Variants in AIG1 observed in about 807,000 individuals in gnomAD.
AIG1 encodes androgen induced 1.
AIG1 carries 23 observed loss-of-function variants against 31.4 expected under a neutral mutation model. That is an observed-to-expected ratio of 0.73 (90% confidence interval 0.53 to 1.04). The LOEUF (loss-of-function observed/expected upper bound fraction) is 1.04. Among genes scored for constraint, AIG1 ranks in the 50% least tolerant of loss-of-function variants. The pLI is 0.00. For missense variants in AIG1, 274 were observed against 295.0 expected (o/e 0.93, Z 0.52); for synonymous variants, 100 against 110.5 (o/e 0.90, Z 0.60).
At chr6:143,065,619 G>A (rs1241477420) in intron 1 of AIG1, among the ~76,000 whole-genome samples, 1 of 152,142 alleles carries the variant, frequency 6.6e-6, no homozygotes, top group Admixed American at 6.5e-5. Context: ...GTAGTATTTG[G>A]GGTATAATAG....
intron 1 of AIG1, among the ~76,000 whole-genome samples, chr6:143,104,971 T>G (rs1313576739): frequency 6.6e-6 from 1 of 152,008 alleles, no homozygotes; most frequent in African/African-American, 2.4e-5. Context: ...CGAATTGAAC[T>G]CCAAAGGTGA....
chr6:143,076,102 C>T (rs1360907769), intron 1 of AIG1, among the ~76,000 whole-genome samples: 1 of 152,126 alleles, frequency 6.6e-6, no homozygotes, highest in African/African-American at 2.4e-5. Context: ...TGGTGTTATT[C>T]AGGTCTTGTA....
intron 3 of AIG1, among the ~76,000 whole-genome samples, chr6:143,174,419 G>A (rs1287728190): frequency 4.7e-5 from 7 of 150,168 alleles, no homozygotes; most frequent in Non-Finnish European, 8.9e-5. Flanking sequence ...CCCAGGAGGT[G>A]GAAGTTGCAG....
At position 143,113,691 on chromosome 6, in the gene AIG1, C is replaced by T. The variant is rs114590469; in HGVS notation, c.142-23144C>T. ...CCTTACGCTATGAAACTTACTGGAACGACTTTTAGGTTTGGTGAGTTTTCT... is the reference window on the plus strand; with the variant it reads ...CCTTACGCTATGAAACTTACTGGAATGACTTTTAGGTTTGGTGAGTTTTCT... On this transcript the variant is annotated intron_variant, in intron 1 of 5. Transcript: ENST00000357847. 6.9e-3 allele frequency among the ~76,000 whole-genome samples: 1,047 copies of T among 152,062 alleles called. 15 individuals carry two copies. The highest frequency in any genetic ancestry group is 0.024 in the African/African-American group (1,006 of 41,478).
chr6:143,220,350 A>G (rs1390521593), intron 3 of AIG1, among the ~76,000 whole-genome samples: 1 of 152,224 alleles, frequency 6.6e-6, no homozygotes, highest in Non-Finnish European at 1.5e-5. Flanking sequence ...CTGAAATGTG[A>G]ACCCATAGAG....
chr6:143,266,296 G>A (rs1257557847), intron 3 of AIG1, among the ~76,000 whole-genome samples: 3 of 143,458 alleles, frequency 2.1e-5, no homozygotes, highest in Admixed American at 7.2e-5. Flanking sequence ...GCAGTGAGTC[G>A]AGATCGTGCC....
At chr6:143,211,336 T>C (rs1791572501) in intron 3 of AIG1, among the ~76,000 whole-genome samples, 1 of 152,116 alleles carries the variant, frequency 6.6e-6, no homozygotes, top group South Asian at 2.1e-4. Flanking sequence ...AGAGGAGGCA[T>C]ATAATAAATA....
At chr6:143,170,876 T>A (rs201303842) in intron 3 of AIG1, among the ~76,000 whole-genome samples, 4 of 147,176 alleles carry the variant, frequency 2.7e-5, no homozygotes, top group South Asian at 2.1e-4. Flanking sequence ...CCTATTGAAA[T>A]AAAAAAAAAT....
intron 3 of AIG1, among the ~76,000 whole-genome samples, chr6:143,167,942 CA>C (rs1398509124): frequency 6.6e-6 from 1 of 152,036 alleles, no homozygotes. Context: ...GTGTATTTTG[CA>C]ATATTAAACA....
intron 1 of AIG1, among the ~76,000 whole-genome samples, chr6:143,068,717 C>T (rs888960205): frequency 1.3e-5 from 2 of 152,038 alleles, no homozygotes; most frequent in East Asian, 1.9e-4. Flanking sequence ...TTCCTTGCAT[C>T]TTAGCATTTT....
intron 3 of AIG1, among the ~76,000 whole-genome samples, chr6:143,215,942 A>G (rs1206170200): frequency 1.3e-5 from 2 of 152,194 alleles, no homozygotes; most frequent in African/African-American, 2.4e-5. Flanking sequence ...CAGACAATAC[A>G]TAAACGAATG....
At chr6:143,086,833 C>A (rs781309484) in intron 1 of AIG1, among the ~76,000 whole-genome samples, 1 of 152,152 alleles carries the variant, frequency 6.6e-6, no homozygotes, top group Non-Finnish European at 1.5e-5. Context: ...AAAGATGGGG[C>A]GCACGCATGG....
chr6:143,062,350 T>C (rs914413509), intron 1 of AIG1, among the ~76,000 whole-genome samples: 1 of 152,160 alleles, frequency 6.6e-6, no homozygotes, highest in Non-Finnish European at 1.5e-5. Flanking sequence ...ATCTTCCAAC[T>C]CTGCTTGAAA....
chr6:143,131,659 G>A (rs1244661062), intron 1 of AIG1, among the ~76,000 whole-genome samples: 1 of 152,198 alleles, frequency 6.6e-6, no homozygotes, highest in Admixed American at 6.5e-5. Flanking sequence ...AAAGAAACAC[G>A]AATCTTAGTC....
intron 1 of AIG1, among the ~76,000 whole-genome samples, chr6:143,082,610 T>TTAACTGCTTTAGATA (rs1778368868): frequency 2.0e-5 from 3 of 152,232 alleles, no homozygotes; most frequent in African/African-American, 7.2e-5. Context: ...TTGTATCATT[T>TTAACTGCTTTAGATA]TAACTGCTTT....
rs192933276 is a variant in AIG1 at position 143,130,180 on chromosome 6, C to T, written c.142-6655C>T. On this transcript the variant is annotated intron_variant, in intron 1 of 5. Coordinates refer to ENST00000357847, the MANE Select transcript of AIG1 (RefSeq NM_016108.4). The stretch of plus-strand genomic sequence containing the variant: ...TCTTGACCTCGTGATCCACCCATCT[C>T]AGTCTCCCAAAGTGCTGGGATTATA... Among the ~76,000 whole-genome samples, 9 of 152,100 alleles carry T rather than the reference C, an allele frequency of 5.9e-5. No homozygotes were observed. In the East Asian group the frequency reaches 1.7e-3, roughly 30 times the overall value.
Position 143,333,505 on chromosome 6 carries a change from G to C in AIG1, c.679+60G>C, listed in dbSNP as rs1430464052. On this transcript the variant is annotated intron_variant, in intron 5 of 5. Coordinates refer to ENST00000357847, the MANE Select transcript of AIG1 (RefSeq NM_016108.4). The surrounding 1 kb of genome is among the most constrained non-coding windows in gnomAD (Gnocchi z 4.6). Reference sequence around the variant, plus strand: ...ATTACTGCCGGCAACAGTCTATGCAGAGACTGAGGGAAAATTCCACTGTAG... The same window carrying C: ...ATTACTGCCGGCAACAGTCTATGCACAGACTGAGGGAAAATTCCACTGTAG... 1 of 1,528,226 alleles carries C rather than the reference G, an allele frequency of 6.5e-7. No individual in the cohort carries two copies. Among genetic ancestry groups the C allele is most frequent in the African/African-American group, 1.4e-5 (1 of 71,430 alleles). 94.7% of individuals were successfully genotyped at this position (1,528,226 alleles called of 1,614,324 possible).
chr6:143,236,307 G>A (rs1276804581), intron 3 of AIG1, among the ~76,000 whole-genome samples: 2 of 152,230 alleles, frequency 1.3e-5, no homozygotes, highest in African/African-American at 4.8e-5. Context: ...TCTGCCGTGA[G>A]TTTGCAGATG....
chr6:143,086,325 A>G (rs1778777052), intron 1 of AIG1, among the ~76,000 whole-genome samples: 2 of 152,144 alleles, frequency 1.3e-5, no homozygotes, highest in African/African-American at 4.8e-5. Context: ...GGAATAGGGC[A>G]CACTTTTTTT....
Sources: allele counts gnomAD v4.1 joint callset (sites outside exome capture counted in the v4.1 genomes callset), GRCh38; gene constraint gnomAD v4.1.1; non-coding constraint Gnocchi (gnomAD v3.1); transcripts MANE v1.5; gene names NCBI Gene and HGNC (gene_info 2026-07-23, HGNC 2026-07-21).